SORT1: variants seen among roughly 807,000 people sequenced by gnomAD.
The protein encoded by SORT1 is sortilin 1.
Under a neutral mutation model 101.7 loss-of-function variants are expected in SORT1, and 39 were observed. That is an observed-to-expected ratio of 0.38 (90% confidence interval 0.30 to 0.50). The LOEUF (loss-of-function observed/expected upper bound fraction) is 0.50, where lower values mean the gene tolerates loss of function less well. Among genes scored for constraint, SORT1 ranks in the 20% least tolerant of loss-of-function variants. The pLI, the probability that SORT1 is intolerant of heterozygous loss-of-function variation, is 0.90. For synonymous variants in SORT1, 396 were observed against 393.7 expected (o/e 1.01, Z -0.07); for missense variants, 878 against 1,040.4 (o/e 0.84, Z 2.15).
At chr1:109,338,419 C>A (rs756817017) in intron 10 of SORT1, among the ~76,000 whole-genome samples, 8 of 152,138 alleles carry the variant, frequency 5.3e-5, no homozygotes, top group Non-Finnish European at 1.2e-4. Context: ...AAAACAGCCC[C>A]TACCTCCTAC....
chr1:109,385,188 C>T (rs1346398743), intron 1 of SORT1, among the ~76,000 whole-genome samples: 1 of 152,172 alleles, frequency 6.6e-6, no homozygotes, highest in Non-Finnish European at 1.5e-5. Context: ...TTGGTGCCCT[C>T]ATGATATAAT....
intron 1 of SORT1, 50 bp downstream of exon 1, chr1:109,397,537 G>T (rs1653266969): frequency 9.2e-7 from 1 of 1,089,164 alleles, no homozygotes; most frequent in Non-Finnish European, 1.1e-6. Context: ...GGAGGGGCAC[G>T]CGGGCGGCAC....
intron 10 of SORT1, 128 bp downstream of exon 10, chr1:109,340,595 CA>C (rs1649144185): frequency 1.0e-5 from 9 of 894,918 alleles, no homozygotes; most frequent in East Asian, 5.5e-5. Context: ...AAAAAGGAAA[CA>C]AAAAAATGTA....
intron 12 of SORT1, 119 bp from the exon 13 acceptor site, chr1:109,327,279 G>T: frequency 9.9e-7 from 1 of 1,010,042 alleles, no homozygotes; most frequent in Non-Finnish European, 1.4e-6. Flanking sequence ...GCCTCTTTTA[G>T]TAGGAAAGAA....
chr1:109,374,560 C>T (rs1651698126), intron 1 of SORT1, among the ~76,000 whole-genome samples: 1 of 150,624 alleles, frequency 6.6e-6, no homozygotes, highest in African/African-American at 2.5e-5. Context: ...CATTGCACTA[C>T]AGCTTGGGTG....
Position 109,342,028 on chromosome 1 carries a change from A to G in SORT1, c.1094T>C (p.Val365Ala). 2 of 1,613,692 alleles carry G rather than the reference A, an allele frequency of 1.2e-6. No individual in the cohort carries two copies. The highest frequency in any genetic ancestry group is 1.1e-5 in the South Asian group (1 of 91,052). ...AAAGCTCTTACCTCCAGGTTCATCT[A>G]CATGCATGAATACCATGTCATCATT... ...AANDDMVFMH[V>A]DEPGDTGFGT... is the part of the protein sequence containing the mutation. The change falls in exon 9 of 20, where the codon GTA (valine) becomes GCA (alanine). Residue 365 changes from valine to alanine, a missense_variant. Transcript: ENST00000256637.
intron 8 of SORT1, among the ~76,000 whole-genome samples, chr1:109,343,709 C>T (rs1025400025): frequency 6.6e-6 from 1 of 152,136 alleles, no homozygotes; most frequent in African/African-American, 2.4e-5. Flanking sequence ...AGTGCAGTGG[C>T]ATGATCTTGG....
intron 9 of SORT1, among the ~76,000 whole-genome samples, chr1:109,341,545 T>A (rs1649222669): frequency 6.6e-6 from 1 of 152,064 alleles, no homozygotes; most frequent in South Asian, 2.1e-4. Flanking sequence ...GAGATGGGGT[T>A]TCACTGTGTT....
chr1:109,354,891 A>T (rs1232268827), intron 4 of SORT1, among the ~76,000 whole-genome samples: 2 of 152,164 alleles, frequency 1.3e-5, no homozygotes, highest in Non-Finnish European at 2.9e-5. Context: ...AAACAAATAA[A>T]CCTGTGTGCT....
intron 5 of SORT1, among the ~76,000 whole-genome samples, chr1:109,352,023 T>A (rs1033855762): frequency 6.6e-6 from 1 of 151,244 alleles, no homozygotes; most frequent in Non-Finnish European, 1.5e-5. Flanking sequence ...TGCATGCACA[T>A]GCATGTAAGT....
chr1:109,361,000 A>T (rs1570951283), intron 3 of SORT1, among the ~76,000 whole-genome samples: 2 of 152,200 alleles, frequency 1.3e-5, no homozygotes, highest in African/African-American at 4.8e-5. Context: ...CTTAGTTTAC[A>T]CCTATGCTAA....
chr1:109,370,256 T>C (rs1418300645), intron 1 of SORT1, among the ~76,000 whole-genome samples: 1 of 152,158 alleles, frequency 6.6e-6, no homozygotes, highest in Non-Finnish European at 1.5e-5. Context: ...ATAATAATCA[T>C]TGTAGGTGGT....
intron 3 of SORT1, among the ~76,000 whole-genome samples, chr1:109,363,318 C>T (rs980617955): frequency 6.6e-6 from 1 of 152,104 alleles, no homozygotes; most frequent in South Asian, 2.1e-4. Flanking sequence ...ATTTCTTTAA[C>T]TTCATATGTG....
chr1:109,313,996 G>C lies in SORT1; in HGVS notation c.*47C>G, dbSNP rs751177552. 4 of 1,588,114 alleles carry C rather than the reference G, an allele frequency of 2.5e-6. No individual in the cohort carries two copies. The highest frequency in any genetic ancestry group is 3.5e-6 in the Non-Finnish European group (4 of 1,156,714). Reference sequence around the variant, plus strand: ...AGTTGGAGCCACAGGGAGTGTAAGAGGTACTGTGGTTCCACCATCCATGCT... The same window carrying C: ...AGTTGGAGCCACAGGGAGTGTAAGACGTACTGTGGTTCCACCATCCATGCT... On this transcript the variant is annotated 3_prime_UTR_variant, in exon 20 of 20. Transcript: ENST00000256637.
intron 11 of SORT1, 48 bp downstream of exon 11, chr1:109,336,192 G>T: frequency 1.7e-6 from 2 of 1,169,538 alleles, no homozygotes; most frequent in Non-Finnish European, 2.6e-6. Context: ...ACTGATCAGA[G>T]CACAATGGAA....
chr1:109,326,486 T>TAC (rs1648061404), intron 13 of SORT1, among the ~76,000 whole-genome samples: 2 of 92,098 alleles, frequency 2.2e-5, no homozygotes, highest in Admixed American at 2.8e-4. Context: ...CACACACACA[T>TAC]ATATATACAC....
chr1:109,384,477 A>C (rs185757778), intron 1 of SORT1, among the ~76,000 whole-genome samples: 4 of 152,228 alleles, frequency 2.6e-5, no homozygotes, highest in African/African-American at 9.6e-5. Flanking sequence ...TGCAGCAAAG[A>C]AGCAAACAGG....
chr1:109,394,986 A>G (rs2100937758), intron 1 of SORT1, among the ~76,000 whole-genome samples: 1 of 152,282 alleles, frequency 6.6e-6, no homozygotes, highest in South Asian at 2.1e-4. Context: ...CAAAAATACT[A>G]GATCTCTTCA....
At chr1:109,328,925 C>A (rs547554902) in intron 11 of SORT1, among the ~76,000 whole-genome samples, 15 of 152,214 alleles carry the variant, frequency 9.9e-5, no homozygotes, top group Non-Finnish European at 1.5e-4. Flanking sequence ...CTGCACCAGG[C>A]TGGCTCCTGC....
Sources: gnomAD v4.1 joint callset for allele counts (sites outside exome capture counted in the v4.1 genomes callset) on GRCh38, gnomAD v4.1.1 for gene constraint, MANE v1.5 for transcripts, NCBI Gene and HGNC (gene_info 2026-07-23, HGNC 2026-07-21) for gene names.